Variants in ZFAT observed in about 807,000 individuals in gnomAD.
ZFAT encodes the protein zinc finger protein ZFAT.
ZFAT carries 64 observed loss-of-function variants against 117.7 expected under a neutral mutation model. The ratio of observed to expected loss-of-function variants is 0.54; its 90% CI spans 0.44 to 0.67. The LOEUF (loss-of-function observed/expected upper bound fraction) is 0.67. Ranked by LOEUF, ZFAT falls within the 30% of genes least tolerant of loss-of-function variation. The probability of loss-of-function intolerance (pLI) is 0.00; values close to 1 mark genes in which losing one functional copy is unlikely to be tolerated. For missense variants in ZFAT, 1,433 were observed against 1,584.5 expected, an observed-to-expected ratio of 0.90 and a Z score of 1.62; for synonymous variants, 679 against 615.0, an observed-to-expected ratio of 1.10 and a Z score of -1.54.
intron 1 of ZFAT, 21 bp downstream of exon 1, chr8:134,712,824 C>CG: frequency 6.9e-7 from 1 of 1,451,410 alleles, no homozygotes; most frequent in Non-Finnish European, 9.2e-7. Context: ...CCGTCTCACC[C>CG]CAACCCCCAG....
the ZFAT span, chr8:134,797,082 C>G: frequency 6.6e-6 from 1 of 152,168 alleles, no homozygotes; most frequent in South Asian, 2.1e-4. Context: ...CAAACTGTTT[C>G]TCATTCATAC....
chr8:134,694,817 T>C (rs952555491), intron 1 of ZFAT, among the ~76,000 whole-genome samples: 2 of 152,204 alleles, frequency 1.3e-5, no homozygotes, highest in Non-Finnish European at 2.9e-5. Context: ...CCTTTCTCCC[T>C]AGAAGACATT....
At position 134,621,671 on chromosome 8, in the gene ZFAT, C is replaced by T. The variant is rs1169512999; in HGVS notation, c.449-11016G>A. ...CAGGAGCTTTTTCCTGCTTTTTAGG[C>T]AATCTCAATATAAATAATCTAAAAA... On this transcript the variant is annotated intron_variant, in intron 3 of 15. Coordinates refer to ENST00000377838, the MANE Select transcript of ZFAT (RefSeq NM_020863.4). Among the ~76,000 whole-genome samples, 3 of 152,062 alleles carry T rather than the reference C, an allele frequency of 2.0e-5. No homozygotes were observed. In the East Asian group the frequency reaches 5.8e-4, roughly 29 times the overall value.
chr8:134,565,618 T>A (rs1824395811), intron 10 of ZFAT, 197 bp from the exon 11 acceptor site: 1 of 688,134 alleles, frequency 1.5e-6, no homozygotes, highest in Non-Finnish European at 2.6e-6. Flanking sequence ...GGAGAGGCAC[T>A]CCCCAGGGAG....
intron 7 of ZFAT, among the ~76,000 whole-genome samples, chr8:134,595,524 C>A (rs911003181): frequency 6.6e-6 from 1 of 152,166 alleles, no homozygotes; most frequent in Non-Finnish European, 1.5e-5. Flanking sequence ...GAGACAGATA[C>A]GGGGCTGAAC....
chr8:134,674,488 T>C (rs1832701352), intron 1 of ZFAT, among the ~76,000 whole-genome samples: 1 of 152,210 alleles, frequency 6.6e-6, no homozygotes, highest in East Asian at 1.9e-4. Flanking sequence ...GCCAGGAAGT[T>C]CGAACTGCAT....
In ZFAT at chr8:134,625,753, C is replaced by G. The variant is rs1829452728; in HGVS notation, c.448+11708G>C. Among the ~76,000 whole-genome samples the G allele has an allele frequency of 2.0e-5, 3 of 152,330 alleles. No homozygotes were observed. The South Asian group carries it at 6.2e-4, about 32-fold the overall frequency. On this transcript the variant is annotated intron_variant, in intron 3 of 15. Coordinates refer to ENST00000377838, the MANE Select transcript of ZFAT (RefSeq NM_020863.4). ...TAGCCAATCTCCCTGTGATGGGAAG[C>G]CTCAGCCCCAGCAGTATGTCCAGAT...
At chr8:134,502,490 T>C (rs533749534) in intron 15 of ZFAT, among the ~76,000 whole-genome samples, 2 of 152,364 alleles carry the variant, frequency 1.3e-5, no homozygotes, top group East Asian at 3.9e-4. Flanking sequence ...CAACCCTGGC[T>C]GGCAACCAAC....
chr8:134,623,729 T>C (rs1239722268), intron 3 of ZFAT, among the ~76,000 whole-genome samples: 5 of 152,090 alleles, frequency 3.3e-5, no homozygotes, highest in Non-Finnish European at 7.4e-5. Flanking sequence ...GAGCAAATGC[T>C]ATTTCCTCTT....
intron 9 of ZFAT, among the ~76,000 whole-genome samples, chr8:134,587,706 C>T (rs1176721293): frequency 1.3e-5 from 2 of 152,202 alleles, no homozygotes; most frequent in Non-Finnish European, 2.9e-5. Context: ...CCCCACACTT[C>T]CCTTCACAGG....
chr8:134,658,133 C>G (rs370673391), intron 1 of ZFAT, among the ~76,000 whole-genome samples: 23 of 152,242 alleles, frequency 1.5e-4, no homozygotes, highest in African/African-American at 5.1e-4. Flanking sequence ...GTCAGGAGAT[C>G]GAGACCATCC....
chr8:134,498,101 G>A (rs1200511583), intron 15 of ZFAT, among the ~76,000 whole-genome samples: 1 of 47,256 alleles, frequency 2.1e-5, no homozygotes, highest in African/African-American at 9.2e-5. Flanking sequence ...GAGCTGGGAT[G>A]CCCCCGTTGC....
the ZFAT span, among the ~76,000 whole-genome samples, chr8:134,778,032 A>G: frequency 1.3e-5 from 2 of 152,220 alleles, no homozygotes; most frequent in African/African-American, 2.4e-5. Flanking sequence ...TCTTCCTGCC[A>G]GCTTTCAAAT....
chr8:134,749,640 C>T, the ZFAT span, among the ~76,000 whole-genome samples: 2 of 152,144 alleles, frequency 1.3e-5, no homozygotes, highest in South Asian at 4.1e-4. Flanking sequence ...CTTCAATCCA[C>T]TTGGAACTGA....
At chr8:134,769,704 C>T in the ZFAT span, among the ~76,000 whole-genome samples, 1 of 152,208 alleles carries the variant, frequency 6.6e-6, no homozygotes, top group Non-Finnish European at 1.5e-5. Context: ...TTCTCTTCTG[C>T]ACTGCCCTAG....
In ZFAT at chr8:134,512,573, G is replaced by T; in HGVS notation, c.3263C>A (p.Ser1088Tyr). The change falls in exon 14 of 16, where the codon TCC becomes TAC. Residue 1088 changes from serine (S) to tyrosine (Y), a missense_variant. Around this residue, in one of 5 missense-constraint regions of ZFAT, gnomAD observed 503 missense variants for 543.4 expected, o/e 0.93. Transcript: ENST00000377838. ...CTCTGTGATGTGGAGATACTGGGTGGAGGGCTCCTCAGGAGCTTCTGTTGC... is the reference window on the plus strand; with the variant it reads ...CTCTGTGATGTGGAGATACTGGGTGTAGGGCTCCTCAGGAGCTTCTGTTGC... ...ETATEAPEEP[S>Y]TQYLHITEAE... 16 of 1,613,870 alleles carry T rather than the reference G, an allele frequency of 9.9e-6. No homozygotes were observed. Among genetic ancestry groups the T allele is most frequent in the Non-Finnish European group, 1.4e-5 (16 of 1,179,860 alleles).
intron 1 of ZFAT, among the ~76,000 whole-genome samples, chr8:134,689,756 C>T (rs1385393227): frequency 6.6e-6 from 1 of 152,202 alleles, no homozygotes; most frequent in African/African-American, 2.4e-5. Context: ...CCAGGGACGC[C>T]TCCTAGACTG....
At chr8:134,523,833 C>T (rs1820832407) in intron 12 of ZFAT, among the ~76,000 whole-genome samples, 1 of 152,210 alleles carries the variant, frequency 6.6e-6, no homozygotes, top group Admixed American at 6.5e-5. Context: ...TTCAGAAAGG[C>T]CTTCCTGGGA....
At chr8:134,484,172 C>A (rs1232855152) in intron 15 of ZFAT, among the ~76,000 whole-genome samples, 1 of 152,240 alleles carries the variant, frequency 6.6e-6, no homozygotes, top group Non-Finnish European at 1.5e-5. Context: ...GGAGCCAGTG[C>A]ACAAAGGCTA....
Sources: gnomAD v4.1 joint callset for allele counts (sites outside exome capture counted in the v4.1 genomes callset) on GRCh38, gnomAD v4.1.1 for gene constraint, gnomAD v4.1.1 regional missense constraint, MANE v1.5 for transcripts, NCBI Gene and HGNC (gene_info 2026-07-23, HGNC 2026-07-21) for gene names.